FAM83F: variants seen among roughly 807,000 people sequenced by gnomAD.
The protein encoded by FAM83F is scaffolding CK1 anchoring protein F.
Under a neutral mutation model 42.9 loss-of-function variants are expected in FAM83F, and 45 were observed. The ratio of observed to expected loss-of-function variants is 1.05; its 90% CI spans 0.83 to 1.35. FAM83F has a LOEUF of 1.35. Among genes scored for constraint, FAM83F ranks in the 40% most tolerant of loss-of-function variants. The pLI is 0.00. For synonymous variants in FAM83F, 306 were observed against 298.3 expected (o/e 1.03, Z -0.27); for missense variants, 617 against 695.9 (o/e 0.89, Z 1.28).
rs1009363088 is a variant in FAM83F at position 40,036,810 on chromosome 22, A to C, written c.*7245A>C. On this transcript the variant is annotated 3_prime_UTR_variant, in exon 5 of 5. Transcript: ENST00000333407. The stretch of plus-strand genomic sequence containing the variant: ...CCACGCGGCTGGCAGCATCATGGTG[A>C]GAGGCTGACACCTTGTGGCTGGCTG... 19 of 152,314 alleles carry C rather than the reference A, an allele frequency of 1.2e-4. No individual in the cohort carries two copies. The highest frequency in any genetic ancestry group is 4.6e-4 in the African/African-American group (19 of 41,452). The allele number at this position is 152,314 out of a possible 1,614,324, so 9.4% of individuals were successfully genotyped here.
chr22:40,017,280 G>A (rs1466922302), intron 1 of FAM83F, among the ~76,000 whole-genome samples: 1 of 148,718 alleles, frequency 6.7e-6, no homozygotes, highest in Non-Finnish European at 1.5e-5. Context: ...CCAGGCTGGA[G>A]TGCAATGGTA....
In FAM83F at chr22:40,040,419, G is replaced by A. The variant is rs1348869007; in HGVS notation, c.*10854G>A. 6.6e-6 allele frequency: 1 copy of A among 152,208 alleles called. No individual in the cohort carries two copies. Among genetic ancestry groups the A allele is most frequent in the East Asian group, 1.9e-4 (1 of 5,204 alleles). The allele number at this position is 152,208 out of a possible 1,614,324, so 9.4% of individuals were successfully genotyped here. A position where few individuals can be genotyped will look rare whatever the true frequency, so the allele number is the denominator to read the frequency against. On this transcript the variant is annotated 3_prime_UTR_variant, in exon 5 of 5. Coordinates refer to ENST00000333407, the MANE Select transcript of FAM83F (RefSeq NM_138435.4). The stretch of plus-strand genomic sequence containing the variant: ...ACGTAAAGCCCTCAGTACAGTGTAT[G>A]ACACACAGCAAGTGTCCACCAAAGG...
rs1046539560 is a variant in FAM83F, at chr22:40,041,647, T to C, written c.*12082T>C. ...CATCCAAAGCCGCAGTTCTGGGTGA[T>C]GAGAGCTCTGAGAGCCCAGAAAAGA... is the stretch of plus-strand genomic sequence containing the variant. On this transcript the variant is annotated 3_prime_UTR_variant, in exon 5 of 5. Coordinates refer to ENST00000333407, the MANE Select transcript of FAM83F (RefSeq NM_138435.4). The C allele has an allele frequency of 5.9e-5, 9 of 152,194 alleles. No individual in the cohort carries two copies. Among genetic ancestry groups the C allele is most frequent in the African/African-American group, 2.2e-4 (9 of 41,452 alleles). 9.4% of individuals were successfully genotyped at this position (152,194 alleles called of 1,614,324 possible).
In FAM83F at chr22:40,019,087, C is replaced by T. The variant is rs547709969; in HGVS notation, c.490-81C>T. 220 of 1,530,664 alleles carry T rather than the reference C, an allele frequency of 1.4e-4. No homozygotes were observed. The African/African-American group carries it at 2.6e-3, about 18-fold the overall frequency. The allele number at this position is 1,530,664 out of a possible 1,614,324, so 94.8% of individuals were successfully genotyped here. On this transcript the variant is annotated intron_variant, in intron 1 of 4. Coordinates refer to ENST00000333407, the MANE Select transcript of FAM83F (RefSeq NM_138435.4). ...CTCTTGGCCACCAGTGACCCCAGGG[C>T]GAGGTGGTACCATCTGAGCAGGGCA...
chr22:40,035,828 C>A lies in FAM83F; in HGVS notation c.*6263C>A, dbSNP rs2067620793. 1 of 152,214 alleles carries A rather than the reference C, an allele frequency of 6.6e-6. No homozygotes were observed. The highest frequency in any genetic ancestry group is 1.5e-5 in the Non-Finnish European group (1 of 68,052). The allele number at this position is 152,214 out of a possible 1,614,324, so 9.4% of individuals were successfully genotyped here. On this transcript the variant is annotated 3_prime_UTR_variant, in exon 5 of 5. Coordinates refer to ENST00000333407, the MANE Select transcript of FAM83F (RefSeq NM_138435.4). Reference sequence around the variant, plus strand: ...ACAGGGGCTGACGCAAACAGCTGGGCATCGGAGGAGCCTCCAGGGTTGTGA... The same window carrying A: ...ACAGGGGCTGACGCAAACAGCTGGGAATCGGAGGAGCCTCCAGGGTTGTGA...
At chr22:40,013,082 CAAAAAAAAAAAAAAA>C (rs754625979) in intron 1 of FAM83F, among the ~76,000 whole-genome samples, 2 of 46,394 alleles carry the variant, frequency 4.3e-5, no homozygotes, top group Admixed American at 3.3e-4. Flanking sequence ...GACTCCGTTT[CAAAAAAAAAAAAAAA>C]AAAAAAAAAA....
chr22:39,997,377 T>C (rs2067377463), intron 1 of FAM83F, among the ~76,000 whole-genome samples: 1 of 152,190 alleles, frequency 6.6e-6, no homozygotes, highest in Non-Finnish European at 1.5e-5. Context: ...GTGAGGTATT[T>C]TTGACTCTTT....
At position 40,021,978 on chromosome 22, in the gene FAM83F, C is replaced by T; in HGVS notation, c.1453+15C>T. ...TGACATCTCAGGTGAGCCCTCTTCC[C>T]TCTGGCCTGGTGCCTCCCCAGGCCT... On this transcript the variant is annotated intron_variant, in intron 4 of 4. Coordinates refer to ENST00000333407, the MANE Select transcript of FAM83F (RefSeq NM_138435.4). The surrounding 1 kb of genome is among the most constrained non-coding windows in gnomAD (Gnocchi z 8.7). 1 of 1,527,334 alleles carries T rather than the reference C, an allele frequency of 6.5e-7. No individual in the cohort carries two copies. The highest frequency in any genetic ancestry group is 1.9e-4 in the Middle Eastern group (1 of 5,168). 94.6% of individuals were successfully genotyped at this position (1,527,334 alleles called of 1,614,324 possible).
chr22:40,003,212 A>G (rs1327973752), intron 1 of FAM83F, among the ~76,000 whole-genome samples: 2 of 152,164 alleles, frequency 1.3e-5, no homozygotes, highest in Admixed American at 6.5e-5. Context: ...TGAGGCAGGT[A>G]ACACAGGGAA....
rs1293358385 is a variant in FAM83F, at chr22:40,042,565, T to C, written c.*13000T>C. 1 of 152,244 alleles carries C rather than the reference T, an allele frequency of 6.6e-6. No individual in the cohort carries two copies. Among genetic ancestry groups the C allele is most frequent in the African/African-American group, 2.4e-5 (1 of 41,442 alleles). The allele number at this position is 152,244 out of a possible 1,614,324, so 9.4% of individuals were successfully genotyped here. Reference sequence around the variant, plus strand: ...GGCACCTTCTCACAGCACTGCATCATGGTTATCTGCTTATCTGCTGGACAC... The same window carrying C: ...GGCACCTTCTCACAGCACTGCATCACGGTTATCTGCTTATCTGCTGGACAC... On this transcript the variant is annotated 3_prime_UTR_variant, in exon 5 of 5. Coordinates refer to ENST00000333407, the MANE Select transcript of FAM83F (RefSeq NM_138435.4).
intron 1 of FAM83F, among the ~76,000 whole-genome samples, chr22:40,001,056 T>C (rs1282949330): frequency 6.6e-6 from 1 of 152,232 alleles, no homozygotes; most frequent in African/African-American, 2.4e-5. Flanking sequence ...TTAGCCTTTC[T>C]GGGATCTTGC....
rs145428025 is a variant in FAM83F, at chr22:40,021,546, C to T, written c.1036C>T (p.Arg346Trp). ...TGGGGAGATGATGCGCTGGGCTGCC[C>T]GGCAACAGCGGGAGGCGGGCGGCAA... is the stretch of plus-strand genomic sequence containing the variant. ...PPGEMMRWAA[R>W]QQREAGGNPE... is the part of the protein sequence containing the mutation. The change falls in exon 4 of 5, where the codon CGG becomes TGG. Residue 346 changes from arginine to tryptophan, a missense_variant. Coordinates refer to ENST00000333407, the MANE Select transcript of FAM83F (RefSeq NM_138435.4). The surrounding 1 kb of genome is among the most constrained non-coding windows in gnomAD (Gnocchi z 8.7). The T allele has an allele frequency of 9.6e-6, 15 of 1,563,870 alleles. No homozygotes were observed. The highest frequency in any genetic ancestry group is 9.1e-5 in the East Asian group (4 of 44,040).
In FAM83F at chr22:40,029,767, T is replaced by TGTC; in HGVS notation, c.*204_*206dup. 1.4e-6 allele frequency: 1 copy of TGTC among 699,530 alleles called. No homozygotes were observed. The highest frequency in any genetic ancestry group is 2.3e-6 in the Non-Finnish European group (1 of 437,888). The allele number at this position is 699,530 out of a possible 1,614,324, so 43.3% of individuals were successfully genotyped here. A position where few individuals can be genotyped will look rare whatever the true frequency, so the allele number is the denominator to read the frequency against. ...TCTCAGTCACACGCCTCCACCGGAC[T>TGTC]GTCGGTGGCTGGGCAGGGGTCAGTG... On this transcript the variant is annotated 3_prime_UTR_variant, in exon 5 of 5. Transcript: ENST00000333407.
At chr22:40,011,996 C>T (rs1240587586) in intron 1 of FAM83F, among the ~76,000 whole-genome samples, 2 of 149,360 alleles carry the variant, frequency 1.3e-5, no homozygotes, top group Non-Finnish European at 2.9e-5. Context: ...GCAGTGACAA[C>T]GGTCCCCTTT....
At chr22:40,028,880 C>T (rs1031302792) in intron 4 of FAM83F, among the ~76,000 whole-genome samples, 8 of 152,218 alleles carry the variant, frequency 5.3e-5, no homozygotes, top group Admixed American at 2.6e-4. Flanking sequence ...CCAGCCTAGG[C>T]GGCCTGTGGC....
rs576741687 is a variant in FAM83F at position 40,022,900 on chromosome 22, C to A, written c.1453+937C>A. ...TGCATTCCTGCACACCAGCTTTAAC[C>A]GGATTGTGATGGTGTGAGAGCAGGG... On this transcript the variant is annotated intron_variant, in intron 4 of 4. Transcript: ENST00000333407. Among the ~76,000 whole-genome samples, 4 of 152,298 alleles carry A rather than the reference C, an allele frequency of 2.6e-5. No individual in the cohort carries two copies. In the South Asian group the frequency reaches 6.2e-4, roughly 24 times the overall value.
chr22:40,026,572 A>G (rs2067554176), intron 4 of FAM83F, among the ~76,000 whole-genome samples: 1 of 152,106 alleles, frequency 6.6e-6, no homozygotes, highest in African/African-American at 2.4e-5. Context: ...CAGAGCCCCA[A>G]ATAGAGGACC....
rs115988593 is a variant in FAM83F at position 40,028,596 on chromosome 22, G to A, written c.1454-920G>A. On this transcript the variant is annotated intron_variant, in intron 4 of 4. Coordinates refer to ENST00000333407, the MANE Select transcript of FAM83F (RefSeq NM_138435.4). ...TCGCTACTCCCCTGCACTCCCTCCG[G>A]AGGTCCGAGAGCAGGAATCCAGCCA... 4.9e-3 allele frequency among the ~76,000 whole-genome samples: 751 copies of A among 152,296 alleles called. 5 individuals carry two copies. Among genetic ancestry groups the A allele is most frequent in the African/African-American group, 0.017 (717 of 41,560 alleles).
chr22:40,008,293 C>T (rs1435031674), intron 1 of FAM83F, among the ~76,000 whole-genome samples: 1 of 152,228 alleles, frequency 6.6e-6, no homozygotes, highest in Non-Finnish European at 1.5e-5. Context: ...CAGCGGGCCC[C>T]CCATGGGCTG....
Sources: gnomAD v4.1 joint callset for allele counts (sites outside exome capture counted in the v4.1 genomes callset) on GRCh38, gnomAD v4.1.1 for gene constraint, Gnocchi (gnomAD v3.1) non-coding constraint, MANE v1.5 for transcripts, NCBI Gene and HGNC (gene_info 2026-07-23, HGNC 2026-07-21) for gene names.